WDR35: variants seen among roughly 807,000 people sequenced by gnomAD.
WDR35 encodes WD repeat domain 35.
In WDR35, 118 loss-of-function variants were observed where a neutral mutation model predicts 158.3. The observed-to-expected ratio is 0.75, with a 90% CI of 0.64 to 0.87. The LOEUF (loss-of-function observed/expected upper bound fraction) is 0.87. Among genes scored for constraint, WDR35 ranks in the 40% least tolerant of loss-of-function variants. The probability of loss-of-function intolerance (pLI) is 0.00; values close to 1 mark genes in which losing one functional copy is unlikely to be tolerated. For synonymous variants in WDR35, 448 were observed against 476.1 expected, an observed-to-expected ratio of 0.94 and a Z score of 0.77; for missense variants, 1,263 against 1,405.8, an observed-to-expected ratio of 0.90 and a Z score of 1.62.
rs1052375803 is a variant in WDR35, at chr2:19,989,979, C to G, written c.24+13G>C. The G allele has an allele frequency of 6.2e-7, 1 of 1,613,696 alleles. No individual in the cohort carries two copies. The highest frequency in any genetic ancestry group is 1.3e-5 in the African/African-American group (1 of 74,926). ...AATGGCGGAGAAACGAGGACGCCCC[C>G]CAGGAAACTCACTTTCTTGCTCAGG... On this transcript the variant is annotated intron_variant, in intron 1 of 26. Coordinates refer to ENST00000281405, the MANE Select transcript of WDR35 (RefSeq NM_020779.4).
intron 13 of WDR35, 38 bp downstream of exon 13, chr2:19,951,376 CA>C (rs1406925331): frequency 9.5e-6 from 14 of 1,466,322 alleles, no homozygotes; most frequent in Non-Finnish European, 1.2e-5. Context: ...TTCAAATCTA[CA>C]GATATTAACA....
intron 24 of WDR35, 60 bp downstream of exon 24, chr2:19,931,209 C>CTTTTTTTTTTTTTT: frequency 8.2e-7 from 1 of 1,225,642 alleles, no homozygotes; most frequent in Non-Finnish European, 1.1e-6. Flanking sequence ...TTAATAGTTT[C>CTTTTTTTTTTTTTT]TTTTTTTTTT....
intron 8 of WDR35, among the ~76,000 whole-genome samples, chr2:19,970,178 TAAGGA>T (rs1471431266): frequency 6.6e-6 from 1 of 152,140 alleles, no homozygotes; most frequent in African/African-American, 2.4e-5. Context: ...TATGTACAAC[TAAGGA>T]AAGGAAAAAA....
At chr2:19,979,172 T>A (rs1233150256) in intron 4 of WDR35, among the ~76,000 whole-genome samples, 1 of 152,228 alleles carries the variant, frequency 6.6e-6, no homozygotes, top group Non-Finnish European at 1.5e-5. Flanking sequence ...AATTAAAAAT[T>A]AAACTTCATT....
chr2:19,966,507 A>G (rs1671858109), intron 10 of WDR35, among the ~76,000 whole-genome samples: 1 of 152,170 alleles, frequency 6.6e-6, no homozygotes, highest in South Asian at 2.1e-4. Context: ...ACCAGTCAGT[A>G]TGAATTGCCA....
intron 25 of WDR35, among the ~76,000 whole-genome samples, chr2:19,914,992 G>A (rs1360217794): frequency 3.3e-5 from 5 of 151,992 alleles, no homozygotes; most frequent in African/African-American, 7.3e-5. Flanking sequence ...TGTAGATGAC[G>A]GTTGATGGGT....
At chr2:19,966,949 G>A (rs769134874) in intron 9 of WDR35, 40 bp from the exon 10 acceptor site, 5 of 1,592,042 alleles carry the variant, frequency 3.1e-6, no homozygotes, top group Middle Eastern at 1.7e-4. Flanking sequence ...GAGATTGAAA[G>A]GGAGAAGAAT....
intron 10 of WDR35, among the ~76,000 whole-genome samples, chr2:19,962,983 G>T (rs1456424512): frequency 6.6e-6 from 1 of 152,038 alleles, no homozygotes; most frequent in Non-Finnish European, 1.5e-5. Flanking sequence ...CCCATTTCCT[G>T]CTCCCTTTAC....
In WDR35 at chr2:19,968,160, C is replaced by T. The variant is rs553229438; in HGVS notation, c.1009-1251G>A. ...GGTTTTTAGGAAGACTAGCACAGAA[C>T]CGAAGTGCACTTCTTTATCATGCCA... On this transcript the variant is annotated intron_variant, in intron 9 of 26. Transcript: ENST00000281405. Among the ~76,000 whole-genome samples, 36 of 152,326 alleles carry T rather than the reference C, an allele frequency of 2.4e-4. 1 individual carries two copies. The South Asian group carries it at 7.5e-3, about 32-fold the overall frequency.
intron 11 of WDR35, among the ~76,000 whole-genome samples, chr2:19,959,102 C>A (rs542569036): frequency 6.6e-6 from 1 of 151,424 alleles, no homozygotes; most frequent in East Asian, 1.9e-4. Flanking sequence ...GTGTTCACTG[C>A]AGGCCAATGA....
intron 11 of WDR35, among the ~76,000 whole-genome samples, chr2:19,959,467 T>A (rs1323243155): frequency 6.6e-6 from 1 of 152,004 alleles, no homozygotes; most frequent in African/African-American, 2.4e-5. Flanking sequence ...AACACTAATG[T>A]GTATATATAT....
chr2:19,921,807 T>C (rs746038799), intron 25 of WDR35, among the ~76,000 whole-genome samples: 2 of 151,980 alleles, frequency 1.3e-5, no homozygotes, highest in Admixed American at 6.6e-5. Flanking sequence ...CAGAAAATTT[T>C]TGCAACCTAC....
chr2:19,984,379 A>G (rs2103467341), intron 2 of WDR35, among the ~76,000 whole-genome samples: 1 of 152,328 alleles, frequency 6.6e-6, no homozygotes, highest in Non-Finnish European at 1.5e-5. Context: ...ATATCCCAAG[A>G]TTCCATTCAG....
chr2:19,962,423 A>T, intron 10 of WDR35: 5 of 1,134,418 alleles, frequency 4.4e-6, no homozygotes, highest in Non-Finnish European at 6.6e-6. Flanking sequence ...CTTATATACA[A>T]ATAATCATCA....
intron 25 of WDR35, among the ~76,000 whole-genome samples, chr2:19,917,361 C>A (rs781659589): frequency 1.3e-5 from 2 of 152,160 alleles, no homozygotes; most frequent in Non-Finnish European, 2.9e-5. Flanking sequence ...AACTCCTCAC[C>A]AGCAAGGGAA....
At chr2:19,968,558 T>C (rs893652271) in intron 9 of WDR35, among the ~76,000 whole-genome samples, 3 of 152,208 alleles carry the variant, frequency 2.0e-5, no homozygotes, top group Non-Finnish European at 2.9e-5. Context: ...GCTTTGGCCA[T>C]TGGGAGGCTC....
At chr2:19,968,708 T>G (rs1671935691) in intron 9 of WDR35, among the ~76,000 whole-genome samples, 1 of 152,198 alleles carries the variant, frequency 6.6e-6, no homozygotes, top group Non-Finnish European at 1.5e-5. Context: ...TCTAAGGTCC[T>G]TTACCTTTTC....
chr2:19,946,368 C>T (rs529255806), intron 15 of WDR35, 93 bp downstream of exon 15: 107 of 1,050,016 alleles, frequency 1.0e-4, no homozygotes, highest in African/African-American at 8.3e-4. Flanking sequence ...ATAATAGACA[C>T]GCCCATCTTT....
At chr2:19,986,753 G>A (rs1193663360) in intron 2 of WDR35, among the ~76,000 whole-genome samples, 1 of 152,098 alleles carries the variant, frequency 6.6e-6, no homozygotes, top group Non-Finnish European at 1.5e-5. Context: ...TAAACCTGAT[G>A]TAAAAAGATG....
Sources: allele counts gnomAD v4.1 joint callset (sites outside exome capture counted in the v4.1 genomes callset), GRCh38; gene constraint gnomAD v4.1.1; transcripts MANE v1.5; gene names NCBI Gene and HGNC (gene_info 2026-07-23, HGNC 2026-07-21).